Variants in SLC25A17 observed in about 807,000 individuals in gnomAD.
SLC25A17 encodes peroxisomal membrane protein PMP34.
Under a neutral mutation model 38.5 loss-of-function variants are expected in SLC25A17, and 26 were observed. The observed-to-expected ratio is 0.68, with a 90% CI of 0.50 to 0.94. The LOEUF (loss-of-function observed/expected upper bound fraction) is 0.94. Ranked by LOEUF, SLC25A17 falls within the 40% of genes least tolerant of loss-of-function variation. The pLI, the probability that SLC25A17 is intolerant of heterozygous loss-of-function variation, is 0.00. For synonymous variants in SLC25A17, 139 were observed against 136.2 expected, an observed-to-expected ratio of 1.02 and a Z score of -0.14; for missense variants, 333 against 372.7, an observed-to-expected ratio of 0.89 and a Z score of 0.88.
chr22:40,797,325 A>G, intron 2 of SLC25A17: 1 of 1,301,260 alleles, frequency 7.7e-7, no homozygotes, highest in Non-Finnish European at 1.0e-6. Context: ...TACAATTTCA[A>G]CTTGAACAAA....
chr22:40,796,582 T>C (rs891992611), intron 2 of SLC25A17, among the ~76,000 whole-genome samples: 3 of 148,596 alleles, frequency 2.0e-5, no homozygotes. Flanking sequence ...ATTGTGCCAC[T>C]GCACTCCAAC....
At position 40,777,041 on chromosome 22, in the gene SLC25A17, C is replaced by A. The variant is rs1184839841; in HGVS notation, c.692G>T (p.Arg231Met). 1 of 1,613,808 alleles carries A rather than the reference C, an allele frequency of 6.2e-7. No homozygotes were observed. The change falls in exon 7 of 9, where the codon AGG becomes ATG. Residue 231 changes from arginine (R) to methionine (M), a missense_variant and splice_region_variant. By Grantham distance (91) the Arg-to-Met change is moderately conservative (BLOSUM62 -1). Transcript: ENST00000435456. ...YPLQTVQSILRFGRHRLNPEN... is the reference protein window; with the variant it reads ...YPLQTVQSILMFGRHRLNPEN... ...TGCGAAGAGAACTCCAGCACTCACCCTCAGAATTGACTGTACCGTCTGCAG... is the reference window on the plus strand; with the variant it reads ...TGCGAAGAGAACTCCAGCACTCACCATCAGAATTGACTGTACCGTCTGCAG...
rs149018271 is a variant in SLC25A17 at position 40,771,345 on chromosome 22, C to T, written c.777-364G>A. 1.1e-3 allele frequency among the ~76,000 whole-genome samples: 166 copies of T among 152,202 alleles called. 3 individuals carry two copies. In the East Asian group the frequency reaches 0.03, roughly 28 times the overall value. On this transcript the variant is annotated intron_variant, in intron 8 of 8. Coordinates refer to ENST00000435456, the MANE Select transcript of SLC25A17 (RefSeq NM_006358.4). ...CAGGATGGTCTCGATCCCCTGACCT[C>T]GTGATCTGCCCGCCTCAGCCTCCCA...
intron 1 of SLC25A17, 26 bp downstream of exon 1, chr22:40,819,169 G>A: frequency 6.2e-7 from 1 of 1,612,918 alleles, no homozygotes; most frequent in Non-Finnish European, 8.5e-7. Context: ...ACCCGTTGCG[G>A]CCCGGGCGTA....
intron 1 of SLC25A17, among the ~76,000 whole-genome samples, chr22:40,806,566 T>C (rs1322470838): frequency 2.0e-5 from 3 of 152,150 alleles, no homozygotes; most frequent in Admixed American, 2.0e-4. Context: ...GCCAGTCTAA[T>C]TGCTCAAGGG....
intron 7 of SLC25A17, among the ~76,000 whole-genome samples, chr22:40,775,031 T>C (rs1334245796): frequency 6.6e-6 from 1 of 152,152 alleles, no homozygotes; most frequent in Non-Finnish European, 1.5e-5. Flanking sequence ...TGCCCCTGGC[T>C]TTCTCTCTTA....
chr22:40,814,152 G>A (rs931304665), intron 1 of SLC25A17, among the ~76,000 whole-genome samples: 2 of 152,142 alleles, frequency 1.3e-5, no homozygotes, highest in Admixed American at 6.5e-5. Flanking sequence ...ACACAACCAA[G>A]CATGCTCTTC....
rs2057456912 is a variant in SLC25A17 at position 40,799,044 on chromosome 22, T to C, written c.94A>G (p.Thr32Ala). 1.2e-6 allele frequency: 2 copies of C among 1,613,302 alleles called. No homozygotes were observed. The highest frequency in any genetic ancestry group is 2.7e-5 in the African/African-American group (2 of 74,896). Residue 32 changes from threonine (T) to alanine (A), a missense_variant, in exon 2 of 9, where the codon ACA becomes GCA. Coordinates refer to ENST00000435456, the MANE Select transcript of SLC25A17 (RefSeq NM_006358.4). The stretch of plus-strand genomic sequence containing the variant: ...TTACCCTGAAGTCGAAGTCTAGCTG[T>C]ATCCAGGGGAAAAAACACTGTCATT... The part of the protein sequence containing the change: ...TAMTVFFPLD[T>A]ARLRLQVDEK...
chr22:40,771,055 T>C (rs1422118712), intron 8 of SLC25A17, 74 bp from the exon 9 acceptor site: 12 of 1,294,956 alleles, frequency 9.3e-6, no homozygotes, highest in Non-Finnish European at 1.2e-5. Context: ...ATAGCTACTT[T>C]GATAAGAACA....
At chr22:40,771,796 C>A (rs2057186069) in intron 8 of SLC25A17, among the ~76,000 whole-genome samples, 1 of 151,976 alleles carries the variant, frequency 6.6e-6, no homozygotes, top group Non-Finnish European at 1.5e-5. Flanking sequence ...TTTGCTAGCA[C>A]AACAGGTGAC....
intron 8 of SLC25A17, among the ~76,000 whole-genome samples, chr22:40,773,610 T>C (rs1219357921): frequency 6.6e-6 from 1 of 152,156 alleles, no homozygotes; most frequent in Non-Finnish European, 1.5e-5. Flanking sequence ...AGGCAGATGT[T>C]ATATTGCTAA....
In SLC25A17 at chr22:40,806,581, A is replaced by T. The variant is rs983837528; in HGVS notation, c.55-7498T>A. 6.0e-5 allele frequency among the ~76,000 whole-genome samples: 9 copies of T among 150,972 alleles called. No homozygotes were observed. In the East Asian group the frequency reaches 7.8e-4, roughly 13 times the overall value. On this transcript the variant is annotated intron_variant, in intron 1 of 8. Coordinates refer to ENST00000435456, the MANE Select transcript of SLC25A17 (RefSeq NM_006358.4). ...GCCAGTCTAATTGCTCAAGGGGCTTAAAAAAAAAGGTGAAATTAACATATT... is the reference window on the plus strand; with the variant it reads ...GCCAGTCTAATTGCTCAAGGGGCTTTAAAAAAAAGGTGAAATTAACATATT...
intron 8 of SLC25A17, among the ~76,000 whole-genome samples, chr22:40,773,388 C>T (rs1464542878): frequency 8.6e-6 from 1 of 116,282 alleles, no homozygotes; most frequent in Non-Finnish European, 1.6e-5. Flanking sequence ...CCAGCCCGGG[C>T]AACAGAGCGA....
At chr22:40,791,678 C>A (rs1403309292) in intron 4 of SLC25A17, among the ~76,000 whole-genome samples, 3 of 152,106 alleles carry the variant, frequency 2.0e-5, no homozygotes, top group African/African-American at 7.2e-5. Flanking sequence ...AAATGCAAAT[C>A]AAAGCCACAG....
At chr22:40,811,351 G>T (rs183634047) in intron 1 of SLC25A17, among the ~76,000 whole-genome samples, 1 of 151,328 alleles carries the variant, frequency 6.6e-6, no homozygotes, top group Non-Finnish European at 1.5e-5. Context: ...TCAGACTCCC[G>T]AAGTGCTGGG....
In SLC25A17 at chr22:40,770,847, G is replaced by A. The variant is rs747284478; in HGVS notation, c.911C>T (p.Ala304Val). Residue 304 changes from alanine (A) to valine (V), a missense_variant, in exon 9 of 9, where the codon GCA becomes GTA. Ala to Val is a moderately conservative substitution (Grantham distance 64, BLOSUM62 0). Coordinates refer to ENST00000435456, the MANE Select transcript of SLC25A17 (RefSeq NM_006358.4). The part of the protein sequence containing the change: ...ATFTVMGLKR[A>V]HQH ...TGGGAAGGCGTCTCAGTGTTGGTGT[G>A]CACGCTTCAGCCCCATAACTGTGAA... The A allele has an allele frequency of 3.7e-6, 6 of 1,610,484 alleles. No individual in the cohort carries two copies. In the South Asian group the frequency reaches 5.5e-5, roughly 15 times the overall value.
intron 4 of SLC25A17, chr22:40,779,361 C>T: frequency 9.3e-7 from 1 of 1,078,716 alleles, no homozygotes; most frequent in South Asian, 1.8e-5. Flanking sequence ...AGATGAAGAG[C>T]AATAAGTTCC....
chr22:40,783,790 C>T (rs1461966015), intron 4 of SLC25A17, among the ~76,000 whole-genome samples: 1 of 152,130 alleles, frequency 6.6e-6, no homozygotes, highest in Non-Finnish European at 1.5e-5. Flanking sequence ...ACTGCAACCT[C>T]CGCCTCCTGG....
In SLC25A17 at chr22:40,773,896, C is replaced by T. The variant is rs760181420; in HGVS notation, c.776+41G>A. The T allele has an allele frequency of 3.7e-6, 5 of 1,366,730 alleles. No homozygotes were observed. The African/African-American group carries it at 5.7e-5, about 16-fold the overall frequency. The allele number at this position is 1,366,730 out of a possible 1,614,324, so 84.7% of individuals were successfully genotyped here. On this transcript the variant is annotated intron_variant, in intron 8 of 8. Coordinates refer to ENST00000435456, the MANE Select transcript of SLC25A17 (RefSeq NM_006358.4). The stretch of plus-strand genomic sequence containing the variant: ...AACCCCTCCCTGGCAGAGATGGCTG[C>T]TGAAGGAGAGCACGGAATGTGAGGC...
Sources: gnomAD v4.1 joint callset for allele counts (sites outside exome capture counted in the v4.1 genomes callset) on GRCh38, gnomAD v4.1.1 for gene constraint, MANE v1.5 for transcripts, NCBI Gene and HGNC (gene_info 2026-07-23, HGNC 2026-07-21) for gene names.